ADGRL3: variants seen among roughly 807,000 people sequenced by gnomAD.
ADGRL3 encodes adhesion G protein-coupled receptor L3, also known as calcium-independent alpha-latrotoxin receptor 3.
Under a neutral mutation model 153.5 loss-of-function variants are expected in ADGRL3, and 62 were observed. The observed-to-expected ratio is 0.40, with a 90% CI of 0.33 to 0.50. ADGRL3 has a LOEUF of 0.50. Among genes scored for constraint, ADGRL3 ranks in the 20% least tolerant of loss-of-function variants. The pLI is 0.47. For missense variants in ADGRL3, 1,641 were observed against 1,859.4 expected (o/e 0.88, Z 2.16); for synonymous variants, 710 against 672.5 (o/e 1.06, Z -0.86).
intron 1 of ADGRL3, among the ~76,000 whole-genome samples, chr4:61,238,120 G>A (rs888942660): frequency 6.6e-6 from 1 of 152,258 alleles, no homozygotes; most frequent in South Asian, 2.1e-4. Context: ...CAGATGCTGA[G>A]ATTAGCATTA....
chr4:61,781,194 T>C (rs2097208745), intron 8 of ADGRL3, among the ~76,000 whole-genome samples: 1 of 151,416 alleles, frequency 6.6e-6, no homozygotes, highest in Non-Finnish European at 1.5e-5. Flanking sequence ...GGCACAGTGG[T>C]GCATGCCTGT....
intron 1 of ADGRL3, among the ~76,000 whole-genome samples, chr4:61,301,855 A>G (rs1184884675): frequency 6.6e-6 from 1 of 152,216 alleles, no homozygotes. Flanking sequence ...CAAATATTTC[A>G]GTGGTGAATT....
chr4:61,996,455 G>A (rs187608329), intron 20 of ADGRL3, 98 bp downstream of exon 20: 1 of 816,536 alleles, frequency 1.2e-6, no homozygotes, highest in Non-Finnish European at 2.0e-6. Context: ...GTTAATTTGG[G>A]GAAAGCATGT....
chr4:61,520,091 A>G (rs1017694634), intron 4 of ADGRL3, among the ~76,000 whole-genome samples: 5 of 152,148 alleles, frequency 3.3e-5, no homozygotes, highest in African/African-American at 1.2e-4. Context: ...AGCACTTGAG[A>G]GTTAATGAGT....
chr4:61,342,157 T>A (rs1051599777), intron 1 of ADGRL3, among the ~76,000 whole-genome samples: 2 of 152,168 alleles, frequency 1.3e-5, no homozygotes, highest in Non-Finnish European at 2.9e-5. Context: ...CAAATTTTCC[T>A]TGCTGCTGCT....
chr4:62,043,516 G>C (rs1301322851), intron 24 of ADGRL3, among the ~76,000 whole-genome samples: 1 of 151,978 alleles, frequency 6.6e-6, no homozygotes, highest in East Asian at 1.9e-4. Flanking sequence ...AAAATCACTT[G>C]TCTAATATTC....
rs557582856 is a variant in ADGRL3, at chr4:61,887,082, C to G, written c.1481-5574C>G. Among the ~76,000 whole-genome samples the G allele has an allele frequency of 2.6e-5, 4 of 152,148 alleles. No individual in the cohort carries two copies. The East Asian group carries it at 7.7e-4, about 29-fold the overall frequency. ...GTTTCACTATGTTGGCCAGGCTGCT[C>G]TCAGACCCCTGACCTCAGGTGATCT... is the stretch of plus-strand genomic sequence containing the variant. On this transcript the variant is annotated intron_variant, in intron 9 of 26. Transcript: ENST00000683033.
At chr4:61,266,959 T>C (rs2092884891) in intron 1 of ADGRL3, among the ~76,000 whole-genome samples, 1 of 151,772 alleles carries the variant, frequency 6.6e-6, no homozygotes. Context: ...TAGTTTTTAA[T>C]AGTATTTTTC....
At chr4:61,215,742 CG>C (rs1418587788) in intron 1 of ADGRL3, among the ~76,000 whole-genome samples, 1 of 151,570 alleles carries the variant, frequency 6.6e-6, no homozygotes, top group Non-Finnish European at 1.5e-5. Flanking sequence ...TTAATGGAGA[CG>C]GGGTTTCGCC....
chr4:61,400,608 T>C (rs1389644838), intron 2 of ADGRL3, among the ~76,000 whole-genome samples: 2 of 151,754 alleles, frequency 1.3e-5, no homozygotes, highest in Admixed American at 1.3e-4. Context: ...CTAATTAGAA[T>C]TGGATATTGG....
chr4:61,859,272 T>C (rs1412289024), intron 9 of ADGRL3, among the ~76,000 whole-genome samples: 1 of 152,176 alleles, frequency 6.6e-6, no homozygotes, highest in African/African-American at 2.4e-5. Context: ...TTGTGGGCTG[T>C]TTTGTTTTTT....
chr4:61,869,002 T>C (rs2098419348), intron 9 of ADGRL3, among the ~76,000 whole-genome samples: 1 of 152,138 alleles, frequency 6.6e-6, no homozygotes, highest in Non-Finnish European at 1.5e-5. Flanking sequence ...CACTGCAGCC[T>C]CGTGATGGCA....
intron 9 of ADGRL3, among the ~76,000 whole-genome samples, chr4:61,867,441 A>G (rs1021796158): frequency 2.0e-5 from 3 of 149,070 alleles, no homozygotes; most frequent in African/African-American, 7.4e-5. Flanking sequence ...TGGAGGTTGC[A>G]GCGCACCGAG....
intron 5 of ADGRL3, among the ~76,000 whole-genome samples, chr4:61,644,667 C>T (rs1175635331): frequency 6.6e-6 from 1 of 152,118 alleles, no homozygotes; most frequent in Admixed American, 6.6e-5. Context: ...GTTATAATTT[C>T]TGTTCTTTTA....
At chr4:61,365,043 A>G (rs750165993) in intron 1 of ADGRL3, among the ~76,000 whole-genome samples, 1 of 152,208 alleles carries the variant, frequency 6.6e-6, no homozygotes, top group Non-Finnish European at 1.5e-5. Context: ...AAAAATGCTT[A>G]TCTGGAGAAG....
chr4:61,533,871 A>G (rs2098638703), intron 4 of ADGRL3, among the ~76,000 whole-genome samples: 1 of 152,146 alleles, frequency 6.6e-6, no homozygotes, highest in Non-Finnish European at 1.5e-5. Context: ...AAAAAGTGCT[A>G]TATACTAGGT....
At chr4:61,570,168 T>C (rs1477903396) in intron 4 of ADGRL3, among the ~76,000 whole-genome samples, 5 of 152,118 alleles carry the variant, frequency 3.3e-5, no homozygotes, top group Non-Finnish European at 7.4e-5. Context: ...GGCTAGTTAG[T>C]AAGCTTTTTG....
In ADGRL3 at chr4:61,202,450, G is replaced by C. The variant is rs574971518; in HGVS notation, c.-240+685G>C. On this transcript the variant is annotated intron_variant, in intron 1 of 26. Coordinates refer to ENST00000683033, the MANE Select transcript of ADGRL3 (RefSeq NM_001387552.1). The surrounding 1 kb of genome is among the most constrained non-coding windows in gnomAD (Gnocchi z 5.0). ...AGGCTTTGTTAGGCGGTTTTGGCTG[G>C]AGAAAGCTGCCACTTTCGTGGGTGG... is the stretch of plus-strand genomic sequence containing the variant. 6.6e-6 allele frequency among the ~76,000 whole-genome samples: 1 copy of C among 152,296 alleles called. No homozygotes were observed. Among genetic ancestry groups the C allele is most frequent in the South Asian group, 2.1e-4 (1 of 4,824 alleles).
rs567032366 is a variant in ADGRL3 at position 61,272,540 on chromosome 4, A to T, written c.-240+70775A>T. ...TTTAAATTAAAATAATAACGTAGTC[A>T]TGATTTTCATTAATTAGAAATGCCC... On this transcript the variant is annotated intron_variant, in intron 1 of 26. Coordinates refer to ENST00000683033, the MANE Select transcript of ADGRL3 (RefSeq NM_001387552.1). 7.9e-5 allele frequency among the ~76,000 whole-genome samples: 12 copies of T among 152,240 alleles called. No individual in the cohort carries two copies. In the East Asian group the frequency reaches 1.9e-3, roughly 24 times the overall value.
Sources: gnomAD v4.1 joint callset for allele counts (sites outside exome capture counted in the v4.1 genomes callset) on GRCh38, gnomAD v4.1.1 for gene constraint, Gnocchi (gnomAD v3.1) non-coding constraint, MANE v1.5 for transcripts, NCBI Gene and HGNC (gene_info 2026-07-23, HGNC 2026-07-21) for gene names.